The following AHCYL2 variants were observed in gnomAD, a reference collection of about 807,000 sequenced individuals.
AHCYL2 encodes S-adenosylhomocysteine hydrolase-like protein 2.
AHCYL2 carries 28 observed loss-of-function variants against 81.4 expected under a neutral mutation model. That is an observed-to-expected ratio of 0.34 (90% CI 0.25 to 0.47). The LOEUF (loss-of-function observed/expected upper bound fraction) is 0.47, where lower values mean the gene tolerates loss of function less well. AHCYL2 is among the 20% of genes least tolerant of loss of function. AHCYL2 has a pLI of 1.00. For synonymous variants in AHCYL2, 272 were observed against 290.2 expected (o/e 0.94, Z 0.64); for missense variants, 551 against 785.1 (o/e 0.70, Z 3.56).
At chr7:129,244,258 C>T (rs533838136) in intron 1 of AHCYL2, among the ~76,000 whole-genome samples, 1 of 151,674 alleles carries the variant, frequency 6.6e-6, no homozygotes, top group Non-Finnish European at 1.5e-5. Context: ...TCAACCTTGG[C>T]CTTTCAAAAT....
chr7:129,284,554 G>A (rs1304295528), intron 1 of AHCYL2, among the ~76,000 whole-genome samples: 15 of 143,218 alleles, frequency 1.0e-4, no homozygotes, highest in Admixed American at 8.2e-4. Context: ...AGCCAAGATC[G>A]CACCACTGCA....
At chr7:129,410,857 G>T (rs777117517) in intron 11 of AHCYL2, among the ~76,000 whole-genome samples, 2 of 152,136 alleles carry the variant, frequency 1.3e-5, no homozygotes, top group Non-Finnish European at 2.9e-5. Context: ...AATTGTAGTT[G>T]TAGCCTCAGG....
At chr7:129,322,001 C>T (rs1314690377) in intron 1 of AHCYL2, among the ~76,000 whole-genome samples, 5 of 151,734 alleles carry the variant, frequency 3.3e-5, no homozygotes, top group Admixed American at 3.3e-4. Context: ...GTCTCAAACT[C>T]CTGACCTCAG....
intron 1 of AHCYL2, among the ~76,000 whole-genome samples, chr7:129,272,460 G>C (rs1207551718): frequency 6.6e-6 from 1 of 152,202 alleles, no homozygotes; most frequent in Non-Finnish European, 1.5e-5. Context: ...ACCAAATTTG[G>C]TACCTTGAAA....
chr7:129,387,251 T>C (rs1176332289), intron 2 of AHCYL2, among the ~76,000 whole-genome samples: 3 of 152,272 alleles, frequency 2.0e-5, no homozygotes, highest in African/African-American at 7.2e-5. Flanking sequence ...AAGGACCATC[T>C]ATATCTGTCC....
rs201438043 is a variant in AHCYL2 at position 129,406,491 on chromosome 7, C to G, written c.1295+25C>G. ...GGTAAGCCTCTACGCTACCATCTCA[C>G]TTGCAATCTCGGAGCTGTCTCCAAA... On this transcript the variant is annotated intron_variant, in intron 10 of 16. Coordinates refer to ENST00000325006, the MANE Select transcript of AHCYL2 (RefSeq NM_015328.4). The surrounding 1 kb of genome is among the most constrained non-coding windows in gnomAD (Gnocchi z 4.3). The G allele has an allele frequency of 6.2e-7, 1 of 1,608,096 alleles. No homozygotes were observed. The highest frequency in any genetic ancestry group is 1.1e-5 in the South Asian group (1 of 90,920).
rs141118499 is a variant in AHCYL2 at position 129,271,407 on chromosome 7, A to G, written c.363+45968A>G. ...GTTTTAAAATAGACCTTCAAAAAAT[A>G]TAGTCACTGAAACTTAAAATTTGGT... On this transcript the variant is annotated intron_variant, in intron 1 of 16. Coordinates refer to ENST00000325006, the MANE Select transcript of AHCYL2 (RefSeq NM_015328.4). 1.1e-4 allele frequency among the ~76,000 whole-genome samples: 16 copies of G among 151,782 alleles called. No homozygotes were observed. In the East Asian group the frequency reaches 3.1e-3, roughly 29 times the overall value.
intron 5 of AHCYL2, among the ~76,000 whole-genome samples, chr7:129,398,325 G>GTT (rs530241492): frequency 1.5e-5 from 2 of 130,644 alleles, no homozygotes; most frequent in Non-Finnish European, 1.7e-5. Flanking sequence ...TCTTTTTTCT[G>GTT]TTTTTTTTTT....
At position 129,260,729 on chromosome 7, in the gene AHCYL2, A is replaced by G. The variant is rs765553358; in HGVS notation, c.363+35290A>G. Among the ~76,000 whole-genome samples the G allele has an allele frequency of 4.7e-4, 72 of 152,206 alleles. 2 individuals carry two copies. The highest frequency in any genetic ancestry group is 5.9e-5 in the Non-Finnish European group (4 of 68,028). On this transcript the variant is annotated intron_variant, in intron 1 of 16. Transcript: ENST00000325006. ...TTAACTTTTAAGCTGTCAATTCAGT[A>G]CAAAGGCCCACCTTGAGCTTACAGT...
intron 1 of AHCYL2, among the ~76,000 whole-genome samples, chr7:129,350,112 C>A (rs928209900): frequency 2.0e-5 from 3 of 152,148 alleles, no homozygotes; most frequent in African/African-American, 7.2e-5. Flanking sequence ...TCTTGACTTA[C>A]AAGGCAGTTC....
Position 129,412,754 on chromosome 7 carries a change from C to CAT in AHCYL2, c.1367-840_1367-839insAT, listed in dbSNP as rs1413297696. Among the ~76,000 whole-genome samples, 29 of 152,280 alleles carry CAT rather than the reference C, an allele frequency of 1.9e-4. No homozygotes were observed. The East Asian group carries it at 5.4e-3, about 28-fold the overall frequency. ...ATTGTGGTTTTGATTTCCATTTTCC[C>CAT]TGATGACTAATGATGATGAGCATCT... is the stretch of plus-strand genomic sequence containing the variant. On this transcript the variant is annotated intron_variant, in intron 11 of 16. Coordinates refer to ENST00000325006, the MANE Select transcript of AHCYL2 (RefSeq NM_015328.4).
intron 2 of AHCYL2, among the ~76,000 whole-genome samples, chr7:129,382,342 G>A (rs895577909): frequency 2.0e-5 from 3 of 152,230 alleles, no homozygotes; most frequent in Non-Finnish European, 4.4e-5. Context: ...GCTCATGCCT[G>A]TAATTCCAGC....
intron 1 of AHCYL2, among the ~76,000 whole-genome samples, chr7:129,379,078 C>G (rs528161818): frequency 6.6e-6 from 1 of 151,858 alleles, no homozygotes. Flanking sequence ...GTCAGGAGTT[C>G]GAGACCAGCC....
intron 1 of AHCYL2, among the ~76,000 whole-genome samples, chr7:129,234,842 A>G (rs981208425): frequency 6.6e-6 from 1 of 152,070 alleles, no homozygotes; most frequent in African/African-American, 2.4e-5. Flanking sequence ...TCATCTTTCT[A>G]CTAGGTCTTT....
chr7:129,366,027 A>G (rs78313070), intron 1 of AHCYL2, among the ~76,000 whole-genome samples: 4,769 of 152,302 alleles, frequency 0.031, 93 homozygotes, highest in Middle Eastern at 0.078. Flanking sequence ...AAAGGAAGAC[A>G]GAGGACAATA....
chr7:129,363,353 TTGTC>T, intron 1 of AHCYL2, among the ~76,000 whole-genome samples: 1 of 152,286 alleles, frequency 6.6e-6, no homozygotes, highest in East Asian at 1.9e-4. Context: ...TACACAGTCT[TTGTC>T]AGTTAATAGG....
chr7:129,225,937 T>C (rs997581572), intron 1 of AHCYL2, among the ~76,000 whole-genome samples: 2 of 152,208 alleles, frequency 1.3e-5, no homozygotes, highest in Non-Finnish European at 2.9e-5. Flanking sequence ...ACTTTCTGCC[T>C]TTCTGTGGCC....
chr7:129,406,236 T>C lies in AHCYL2; in HGVS notation c.1207-142T>C. On this transcript the variant is annotated intron_variant, in intron 9 of 16. Coordinates refer to ENST00000325006, the MANE Select transcript of AHCYL2 (RefSeq NM_015328.4). This position sits in a 1 kb window ranked among gnomAD's most constrained non-coding sequence, Gnocchi z 4.3. ...TTTATGAGCTGCATTCAATTATTTG[T>C]TCTTCTCGTTTTCCCCAAGTATGAA... 1.4e-6 allele frequency: 1 copy of C among 711,176 alleles called. No homozygotes were observed. Among genetic ancestry groups the C allele is most frequent in the Non-Finnish European group, 2.4e-6 (1 of 425,212 alleles). 44.1% of individuals were successfully genotyped at this position (711,176 alleles called of 1,614,324 possible).
At chr7:129,416,026 C>G (rs1292497423) in intron 12 of AHCYL2, among the ~76,000 whole-genome samples, 2 of 151,796 alleles carry the variant, frequency 1.3e-5, no homozygotes, top group African/African-American at 4.8e-5. Flanking sequence ...GCGACAAGAG[C>G]GAAACTCCAT....
Sources: gnomAD v4.1 joint callset for allele counts (sites outside exome capture counted in the v4.1 genomes callset) on GRCh38, gnomAD v4.1.1 for gene constraint, Gnocchi (gnomAD v3.1) non-coding constraint, MANE v1.5 for transcripts, NCBI Gene and HGNC (gene_info 2026-07-23, HGNC 2026-07-21) for gene names.